DCAF1: variants seen among roughly 807,000 people sequenced by gnomAD.
DCAF1 encodes DDB1- and CUL4-associated factor 1.
Under a neutral mutation model 128.0 loss-of-function variants are expected in DCAF1, and 15 were observed. The ratio of observed to expected loss-of-function variants is 0.12; its 90% CI spans 0.08 to 0.18. The LOEUF (loss-of-function observed/expected upper bound fraction) is 0.18. Ranked by LOEUF, DCAF1 falls within the 10% of genes least tolerant of loss-of-function variation. The pLI is 1.00. For synonymous variants in DCAF1, 610 were observed against 603.0 expected (o/e 1.01, Z -0.17); for missense variants, 988 against 1,649.5 (o/e 0.60, Z 6.95).
intron 5 of DCAF1, among the ~76,000 whole-genome samples, chr3:51,466,559 C>A (rs575949376): frequency 6.6e-6 from 1 of 152,128 alleles, no homozygotes; most frequent in Non-Finnish European, 1.5e-5. Context: ...CTGAAGAGGG[C>A]CCCTATATTC....
intron 8 of DCAF1, 60 bp from the exon 9 acceptor site, chr3:51,441,131 T>A: frequency 6.9e-7 from 1 of 1,454,164 alleles, no homozygotes; most frequent in Non-Finnish European, 9.5e-7. Context: ...TATTTCCTAT[T>A]CCACTCTTTG....
At chr3:51,437,319 C>T (rs1559509490) in intron 9 of DCAF1, 1 of 489,716 alleles carries the variant, frequency 2.0e-6, no homozygotes, top group Non-Finnish European at 4.1e-6. Flanking sequence ...ACCCCAAACT[C>T]AGTAAAGGGA....
chr3:51,415,034 C>T (rs1698754088), intron 18 of DCAF1, among the ~76,000 whole-genome samples, 177 bp from the exon 19 acceptor site: 1 of 151,928 alleles, frequency 6.6e-6, no homozygotes. Flanking sequence ...AGCCACCGCA[C>T]CCGGCCAGGC....
chr3:51,416,979 A>G lies in DCAF1; in HGVS notation c.3519-108T>C. On this transcript the variant is annotated intron_variant, in intron 17 of 24. Coordinates refer to ENST00000684031, the MANE Select transcript of DCAF1 (RefSeq NM_001387579.1). ...GCCTCTTGCACAATCACACTCACCT[A>G]AAGATCCTGGACTCCCAAAGAGGAA... is the stretch of plus-strand genomic sequence containing the variant. The G allele has an allele frequency of 4.0e-6, 6 of 1,498,382 alleles. No individual in the cohort carries two copies. The South Asian group carries it at 6.1e-5, about 15-fold the overall frequency. The allele number at this position is 1,498,382 out of a possible 1,614,324, so 92.8% of individuals were successfully genotyped here.
chr3:51,474,784 CT>C (rs782363207), intron 3 of DCAF1, among the ~76,000 whole-genome samples: 3,940 of 121,762 alleles, frequency 0.032, 124 homozygotes, highest in African/African-American at 0.11. Context: ...GCATGCCTGG[CT>C]TTTTTTTTTT....
chr3:51,431,278 G>A (rs1700346831), intron 10 of DCAF1, among the ~76,000 whole-genome samples: 1 of 151,996 alleles, frequency 6.6e-6, no homozygotes. Context: ...AGTACTTTGG[G>A]AGGCTGAGGC....
chr3:51,398,600 AG>A lies in DCAF1; in HGVS notation c.*168del, dbSNP rs1223833242. ...TTTTGTGGTGGTTATTGATTCTGGA[AG>A]GACCCTCGGGTGCCAATGAGGCTCT... On this transcript the variant is annotated 3_prime_UTR_variant, in exon 25 of 25. Transcript: ENST00000684031. 1.2e-6 allele frequency: 1 copy of A among 804,832 alleles called. No homozygotes were observed. Among genetic ancestry groups the A allele is most frequent in the Non-Finnish European group, 1.9e-6 (1 of 520,298 alleles). The allele number at this position is 804,832 out of a possible 1,614,324, so 49.9% of individuals were successfully genotyped here. A position where few individuals can be genotyped will look rare whatever the true frequency, so the allele number is the denominator to read the frequency against.
chr3:51,396,002 G>GAAAC (rs1272385318), downstream of DCAF1: 5 of 413,066 alleles, frequency 1.2e-5, no homozygotes, highest in East Asian at 1.8e-4. Flanking sequence ...GGTACCGCCA[G>GAAAC]AAACAGGAGT....
At chr3:51,460,792 C>T (rs1553644270) in intron 6 of DCAF1, among the ~76,000 whole-genome samples, 1 of 151,848 alleles carries the variant, frequency 6.6e-6, no homozygotes, top group African/African-American at 2.4e-5. Flanking sequence ...ACAAACCTGA[C>T]AAAAACAAGA....
intron 3 of DCAF1, among the ~76,000 whole-genome samples, chr3:51,473,528 A>G (rs1186912352): frequency 6.7e-6 from 1 of 149,712 alleles, no homozygotes; most frequent in South Asian, 2.1e-4. Context: ...AAAAACCAGA[A>G]AAAAAAAACA....
At chr3:51,481,418 G>A (rs1401373983) in intron 3 of DCAF1, among the ~76,000 whole-genome samples, 1 of 152,172 alleles carries the variant, frequency 6.6e-6, no homozygotes, top group African/African-American at 2.4e-5. Flanking sequence ...CAGGCCAGGC[G>A]CAATGGCTCA....
At chr3:51,475,375 G>A (rs1217781324) in intron 3 of DCAF1, among the ~76,000 whole-genome samples, 1 of 152,138 alleles carries the variant, frequency 6.6e-6, no homozygotes, top group Non-Finnish European at 1.5e-5. Context: ...GCCAAGGTGG[G>A]AAAATCACTA....
At chr3:51,489,040 GAAC>G (rs535468996) in intron 2 of DCAF1, among the ~76,000 whole-genome samples, 194 of 152,300 alleles carry the variant, frequency 1.3e-3, no homozygotes, top group Admixed American at 2.9e-3. Context: ...AGGGGATTAT[GAAC>G]AACACTACAC....
intron 23 of DCAF1, among the ~76,000 whole-genome samples, chr3:51,407,983 T>TA (rs1559474297): frequency 3.4e-4 from 1 of 2,968 alleles, no homozygotes. Context: ...AGACTCCATC[T>TA]CAAAAAAAAA....
In DCAF1 at chr3:51,398,617, A is replaced by T; in HGVS notation, c.*152T>A. On this transcript the variant is annotated 3_prime_UTR_variant, in exon 25 of 25. Transcript: ENST00000684031. Reference sequence around the variant, plus strand: ...ATTCTGGAAGGACCCTCGGGTGCCAATGAGGCTCTCTAAGCCATAATCTTC... The same window carrying T: ...ATTCTGGAAGGACCCTCGGGTGCCATTGAGGCTCTCTAAGCCATAATCTTC... 9.8e-7 allele frequency: 1 copy of T among 1,023,934 alleles called. No homozygotes were observed. The allele number at this position is 1,023,934 out of a possible 1,614,324, so 63.4% of individuals were successfully genotyped here. A position where few individuals can be genotyped will look rare whatever the true frequency, so the allele number is the denominator to read the frequency against.
rs1559490186 is a variant in DCAF1 at position 51,420,502 on chromosome 3, A to T, written c.2468T>A (p.Ile823Asn). The T allele has an allele frequency of 6.2e-7, 1 of 1,613,868 alleles. No homozygotes were observed. Among genetic ancestry groups the T allele is most frequent in the East Asian group, 2.2e-5 (1 of 44,886 alleles). Reference protein sequence around the residue: ...IERVSGKPLLIGTDVSLARLQ... With the variant: ...IERVSGKPLLNGTDVSLARLQ... The stretch of plus-strand genomic sequence containing the variant: ...TCGTGCTAGGGAAACATCAGTGCCA[A>T]TGAGAAGTGGTTTTCCTGACACCCG... The change falls in exon 15 of 25, where the codon ATT becomes AAT. Residue 823 changes from isoleucine (I) to asparagine (N), a missense_variant. Coordinates refer to ENST00000684031, the MANE Select transcript of DCAF1 (RefSeq NM_001387579.1). The surrounding 1 kb of genome is among the most constrained non-coding windows in gnomAD (Gnocchi z 6.5).
At chr3:51,403,010 A>C in intron 24 of DCAF1, 133 bp downstream of exon 24, 15 of 1,412,308 alleles carry the variant, frequency 1.1e-5, no homozygotes, top group Non-Finnish European at 1.4e-5. Context: ...CTTTGCCTCA[A>C]GAGACCAGAG....
chr3:51,469,551 C>A (rs371724876), intron 4 of DCAF1, among the ~76,000 whole-genome samples: 1 of 151,948 alleles, frequency 6.6e-6, no homozygotes, highest in Non-Finnish European at 1.5e-5. Flanking sequence ...CTCCTCTCCA[C>A]AAAGGACTGC....
chr3:51,435,612 G>A (rs1437159389), intron 9 of DCAF1, among the ~76,000 whole-genome samples: 2 of 151,482 alleles, frequency 1.3e-5, no homozygotes, highest in Non-Finnish European at 2.9e-5. Context: ...TCAGGAGGCT[G>A]AAGCAGAATA....
Sources: allele counts gnomAD v4.1 joint callset (sites outside exome capture counted in the v4.1 genomes callset), GRCh38; gene constraint gnomAD v4.1.1; non-coding constraint Gnocchi (gnomAD v3.1); transcripts MANE v1.5; gene names NCBI Gene and HGNC (gene_info 2026-07-23, HGNC 2026-07-21).